The following TMEM132D variants were observed in gnomAD, a reference collection of about 807,000 sequenced individuals.
TMEM132D encodes the protein mature OL transmembrane protein.
TMEM132D carries 21 observed loss-of-function variants against 62.3 expected under a neutral mutation model. The ratio of observed to expected loss-of-function variants is 0.34; its 90% CI spans 0.24 to 0.49. The LOEUF is 0.49. Among genes scored for constraint, TMEM132D ranks in the 20% least tolerant of loss-of-function variants. The probability of loss-of-function intolerance (pLI) is 0.99; values close to 1 mark genes in which losing one functional copy is unlikely to be tolerated. For synonymous variants in TMEM132D, 621 were observed against 575.6 expected, an observed-to-expected ratio of 1.08 and a Z score of -1.13; for missense variants, 1,346 against 1,402.8, an observed-to-expected ratio of 0.96 and a Z score of 0.65.
chr12:129,256,570 C>T (rs111960832), intron 4 of TMEM132D, among the ~76,000 whole-genome samples: 1,814 of 152,238 alleles, frequency 0.012, 19 homozygotes, highest in Non-Finnish European at 0.018. Context: ...TACAGGATCA[C>T]GCCACCACAC....
intron 1 of TMEM132D, among the ~76,000 whole-genome samples, chr12:129,899,086 G>A (rs183713772): frequency 1.3e-5 from 2 of 152,300 alleles, no homozygotes; most frequent in East Asian, 3.9e-4. Flanking sequence ...GAAGGCATGT[G>A]GCCTTTGACA....
At chr12:129,381,261 C>T (rs1870942535) in intron 3 of TMEM132D, among the ~76,000 whole-genome samples, 1 of 152,138 alleles carries the variant, frequency 6.6e-6, no homozygotes, top group African/African-American at 2.4e-5. Flanking sequence ...TTCTTCTTTT[C>T]TCCTATGAGC....
intron 2 of TMEM132D, among the ~76,000 whole-genome samples, chr12:129,693,771 C>T (rs903383633): frequency 2.6e-5 from 4 of 152,196 alleles, no homozygotes; most frequent in African/African-American, 9.6e-5. Context: ...AGACTCTTTG[C>T]TTATTATAAT....
At chr12:129,618,983 T>C (rs549467404) in intron 2 of TMEM132D, among the ~76,000 whole-genome samples, 17 of 152,238 alleles carry the variant, frequency 1.1e-4, no homozygotes, top group South Asian at 4.2e-4. Context: ...GTTGAAAGAG[T>C]TGTTATCAGC....
intron 3 of TMEM132D, among the ~76,000 whole-genome samples, chr12:129,376,943 GT>G (rs1870798035): frequency 6.6e-6 from 1 of 152,204 alleles, no homozygotes; most frequent in African/African-American, 2.4e-5. Context: ...CCCATTAAAT[GT>G]TTCCTTTGCT....
intron 1 of TMEM132D, among the ~76,000 whole-genome samples, chr12:129,708,634 CACA>C (rs1481782710): frequency 3.5e-5 from 3 of 86,644 alleles, no homozygotes; most frequent in African/African-American, 1.3e-4. Context: ...AAAAAAAACA[CACA>C]CACACACACA....
At chr12:129,252,353 C>T (rs1331282367) in intron 4 of TMEM132D, among the ~76,000 whole-genome samples, 2 of 151,810 alleles carry the variant, frequency 1.3e-5, no homozygotes, top group Non-Finnish European at 2.9e-5. Flanking sequence ...GGAGCAATTT[C>T]CTTGGGTGTT....
intron 5 of TMEM132D, among the ~76,000 whole-genome samples, chr12:129,137,040 A>G (rs1401162943): frequency 7.0e-6 from 1 of 143,164 alleles, no homozygotes; most frequent in African/African-American, 2.6e-5. Flanking sequence ...CATCAACACC[A>G]TCATCCCATC....
intron 4 of TMEM132D, among the ~76,000 whole-genome samples, chr12:129,217,644 T>C (rs1430450852): frequency 6.6e-6 from 1 of 152,112 alleles, no homozygotes; most frequent in Middle Eastern, 3.2e-3. Flanking sequence ...GTGAGGCACA[T>C]TTGAGAAAGG....
rs150113500 is a variant in TMEM132D at position 129,184,162 on chromosome 12, C to T, written c.1443+25358G>A. Among the ~76,000 whole-genome samples the T allele has an allele frequency of 2.8e-4, 42 of 152,290 alleles. No homozygotes were observed. The East Asian group carries it at 4.6e-3, about 17-fold the overall frequency. ...CTGTCACCACCAAGTCTGCAGTTTC[C>T]GTTAAGACAACATCTGATCTAGGCC... is the stretch of plus-strand genomic sequence containing the variant. On this transcript the variant is annotated intron_variant, in intron 5 of 8. Transcript: ENST00000422113.
At chr12:129,892,628 ATTACT>A (rs927697527) in intron 1 of TMEM132D, among the ~76,000 whole-genome samples, 1 of 152,006 alleles carries the variant, frequency 6.6e-6, no homozygotes, top group Non-Finnish European at 1.5e-5. Flanking sequence ...CCCAAGTATT[ATTACT>A]TATTTCCTAA....
chr12:129,874,604 A>AAC (rs1021457720), intron 1 of TMEM132D, among the ~76,000 whole-genome samples: 5 of 151,352 alleles, frequency 3.3e-5, no homozygotes, highest in Non-Finnish European at 7.4e-5. Flanking sequence ...AAAAAAAAAA[A>AAC]AAAACGGAGG....
At chr12:129,400,907 C>T (rs1029272462) in intron 3 of TMEM132D, among the ~76,000 whole-genome samples, 2 of 152,116 alleles carry the variant, frequency 1.3e-5, no homozygotes, top group East Asian at 3.8e-4. Context: ...AAAAATATAG[C>T]AAAATGTATT....
At chr12:129,670,244 T>C (rs1056276301) in intron 2 of TMEM132D, among the ~76,000 whole-genome samples, 2 of 152,216 alleles carry the variant, frequency 1.3e-5, no homozygotes, top group Non-Finnish European at 2.9e-5. Flanking sequence ...TAAACAAAGA[T>C]GGTAACAGTC....
intron 5 of TMEM132D, among the ~76,000 whole-genome samples, chr12:129,167,481 C>T (rs984052989): frequency 3.3e-5 from 5 of 152,146 alleles, no homozygotes; most frequent in African/African-American, 9.7e-5. Context: ...GTTGCTTTTA[C>T]ACCTGCCTGG....
intron 2 of TMEM132D, among the ~76,000 whole-genome samples, chr12:129,534,227 A>C (rs970381765): frequency 6.6e-6 from 1 of 151,866 alleles, no homozygotes; most frequent in Non-Finnish European, 1.5e-5. Context: ...TAAACATAGC[A>C]CTTGATTTTG....
intron 4 of TMEM132D, among the ~76,000 whole-genome samples, chr12:129,317,453 G>A (rs762793188): frequency 1.3e-5 from 2 of 152,304 alleles, no homozygotes; most frequent in Admixed American, 6.5e-5. Flanking sequence ...TTTGTTTGAG[G>A]AGGCTGAAGA....
chr12:129,562,950 T>C (rs551122277), intron 2 of TMEM132D, among the ~76,000 whole-genome samples: 10 of 152,222 alleles, frequency 6.6e-5, no homozygotes, highest in Non-Finnish European at 1.2e-4. Flanking sequence ...ATAATTCTAT[T>C]ACGGCACCTA....
intron 1 of TMEM132D, among the ~76,000 whole-genome samples, chr12:129,807,440 G>A (rs1456958737): frequency 1.3e-5 from 2 of 152,140 alleles, no homozygotes; most frequent in Admixed American, 1.3e-4. Context: ...GGCAGACATC[G>A]CCATCCCAAT....
Sources: gnomAD v4.1 joint callset for allele counts (sites outside exome capture counted in the v4.1 genomes callset) on GRCh38, gnomAD v4.1.1 for gene constraint, MANE v1.5 for transcripts, NCBI Gene and HGNC (gene_info 2026-07-23, HGNC 2026-07-21) for gene names.